Variants in GALK2 observed in about 807,000 individuals in gnomAD.
The protein encoded by GALK2 is N-acetylgalactosamine kinase.
GALK2 carries 36 observed loss-of-function variants against 52.4 expected under a neutral mutation model. The observed-to-expected ratio is 0.69, with a 90% CI of 0.53 to 0.91. The LOEUF is 0.91. Among genes scored for constraint, GALK2 ranks in the 40% least tolerant of loss-of-function variants. The pLI, the probability that GALK2 is intolerant of heterozygous loss-of-function variation, is 0.00. For synonymous variants in GALK2, 176 were observed against 199.1 expected, an observed-to-expected ratio of 0.88 and a Z score of 0.98; for missense variants, 579 against 559.1, an observed-to-expected ratio of 1.04 and a Z score of -0.36.
chr15:49,318,075 GA>G (rs1733679947), intron 8 of GALK2: 1 of 151,582 alleles, frequency 6.6e-6, no homozygotes, highest in Non-Finnish European at 1.5e-5. Flanking sequence ...AAAAATTATA[GA>G]CTTTTTGATT....
intron 1 of GALK2, chr15:49,177,851 C>A: frequency 4.2e-6 from 1 of 238,354 alleles, no homozygotes; most frequent in South Asian, 5.7e-5. Flanking sequence ...GAATCTTCAC[C>A]GAAGTGAGAA....
intron 3 of GALK2, chr15:49,367,464 T>G: frequency 6.3e-7 from 1 of 1,588,888 alleles, no homozygotes; most frequent in African/African-American, 1.4e-5. Context: ...TGGAATATCT[T>G]AGTGAGTTTA....
chr15:49,283,004 C>G (rs1410348858), intron 6 of GALK2, among the ~76,000 whole-genome samples: 1 of 152,174 alleles, frequency 6.6e-6, no homozygotes, highest in East Asian at 1.9e-4. Flanking sequence ...CTGACCCCTG[C>G]TTTACCCTTC....
At position 49,329,891 on chromosome 15, in the gene GALK2, G is replaced by A. The variant is rs2038290554; in HGVS notation, c.*1732G>A. 5 of 453,998 alleles carry A rather than the reference G, an allele frequency of 1.1e-5. No homozygotes were observed. Among genetic ancestry groups the A allele is most frequent in the African/African-American group, 2.1e-5 (1 of 46,774 alleles). The allele number at this position is 453,998 out of a possible 1,614,324, so 28.1% of individuals were successfully genotyped here. A position where few individuals can be genotyped will look rare whatever the true frequency, so the allele number is the denominator to read the frequency against. On this transcript the variant is annotated 3_prime_UTR_variant, in exon 10 of 10. Coordinates refer to ENST00000560031, the MANE Select transcript of GALK2 (RefSeq NM_002044.4). ...AGGTGATTTCTTCTTCACAAAAGGT[G>A]AGTAAAAATTTCCAATGTGCACTCT...
At position 49,263,083 on chromosome 15, in the gene GALK2, G is replaced by A. The variant is rs1248098942; in HGVS notation, c.505-18904G>A. Among the ~76,000 whole-genome samples the A allele has an allele frequency of 2.5e-5, 3 of 121,834 alleles. No homozygotes were observed. The East Asian group carries it at 6.9e-4, about 28-fold the overall frequency. 79.9% of individuals were successfully genotyped at this position (121,834 alleles called of 152,430 possible). A position where few individuals can be genotyped will look rare whatever the true frequency, so the allele number is the denominator to read the frequency against. Reference sequence around the variant, plus strand: ...GGAGAGTTCTGTAGATGTCTATTAGGTCCGCTTGGTGCAGAGCTGAGTTCA... The same window carrying A: ...GGAGAGTTCTGTAGATGTCTATTAGATCCGCTTGGTGCAGAGCTGAGTTCA... On this transcript the variant is annotated intron_variant, in intron 5 of 9. Coordinates refer to ENST00000560031, the MANE Select transcript of GALK2 (RefSeq NM_002044.4).
intron 1 of GALK2, among the ~76,000 whole-genome samples, chr15:49,180,379 A>G (rs2085866410): frequency 6.6e-6 from 1 of 152,196 alleles, no homozygotes; most frequent in African/African-American, 2.4e-5. Context: ...ATTTAATTGT[A>G]CCAATTCCTT....
intron 8 of GALK2, among the ~76,000 whole-genome samples, chr15:49,295,309 T>TTCTC (rs58542204): frequency 2.6e-3 from 373 of 145,640 alleles, no homozygotes; most frequent in African/African-American, 7.7e-3. Flanking sequence ...ACAAGCTCAT[T>TTCTC]TCTCTCTCTC....
Position 49,327,988 on chromosome 15 carries a change from A to G in GALK2, c.1206A>G (p.Ala402=). 2.5e-6 allele frequency: 4 copies of G among 1,613,820 alleles called. No individual in the cohort carries two copies. The highest frequency in any genetic ancestry group is 2.2e-5 in the South Asian group (2 of 91,064). The change falls in exon 10 of 10, where the codon GCA becomes GCG. Residue 402 remains alanine (A), a synonymous_variant. Transcript: ENST00000560031. ...CTCAAGGGTCACGACTTACTGGAGC[A>G]GGATGGGGAGGCTGCACAGTATCAA... ...FGAQGSRLTG[A]GWGGCTVSMV...
chr15:49,365,488 CT>C, intron 3 of GALK2: 2 of 859,536 alleles, frequency 2.3e-6, no homozygotes, highest in Non-Finnish European at 4.1e-6. Flanking sequence ...GATGCACACA[CT>C]CATTACTGAG....
chr15:49,178,976 T>C (rs1382743787), intron 1 of GALK2, among the ~76,000 whole-genome samples: 1 of 152,162 alleles, frequency 6.6e-6, no homozygotes, highest in Admixed American at 6.5e-5. Flanking sequence ...ACTCTTTTCA[T>C]TCTTCTATTC....
intron 3 of GALK2, chr15:49,365,505 G>C (rs1358101638): frequency 2.3e-6 from 2 of 855,058 alleles, no homozygotes; most frequent in East Asian, 4.8e-5. Context: ...CTGAGAAACA[G>C]ATCAGCTTTG....
At chr15:49,270,670 T>C (rs1446383823) in intron 5 of GALK2, among the ~76,000 whole-genome samples, 1 of 152,222 alleles carries the variant, frequency 6.6e-6, no homozygotes, top group Non-Finnish European at 1.5e-5. Context: ...AACTATTGTA[T>C]ACATAAAACC....
intron 3 of GALK2, among the ~76,000 whole-genome samples, chr15:49,355,387 C>G (rs966690996): frequency 1.3e-5 from 2 of 152,158 alleles, no homozygotes; most frequent in Non-Finnish European, 2.9e-5. Context: ...ATACAGAGAA[C>G]TGCCTAAAGG....
chr15:49,206,752 T>A (rs1260313265), intron 2 of GALK2, among the ~76,000 whole-genome samples: 1 of 151,920 alleles, frequency 6.6e-6, no homozygotes, highest in African/African-American at 2.4e-5. Context: ...GTCCATAGGG[T>A]TTTCAAGGTA....
chr15:49,313,985 T>C (rs910972635), intron 8 of GALK2, among the ~76,000 whole-genome samples: 5 of 152,234 alleles, frequency 3.3e-5, no homozygotes, highest in African/African-American at 1.2e-4. Flanking sequence ...GAAATAGACA[T>C]GTCCTCTATC....
chr15:49,352,042 C>G (rs560970699), intron 3 of GALK2, among the ~76,000 whole-genome samples: 4 of 152,284 alleles, frequency 2.6e-5, no homozygotes, highest in African/African-American at 9.6e-5. Flanking sequence ...TTGACTGGGA[C>G]TGGAGCCATC....
chr15:49,282,832 T>C (rs957670551), intron 6 of GALK2, among the ~76,000 whole-genome samples: 1 of 152,190 alleles, frequency 6.6e-6, no homozygotes, highest in African/African-American at 2.4e-5. Flanking sequence ...GCCAAAGACA[T>C]GAGGCATGAG....
At chr15:49,178,236 A>T (rs2085653194) in intron 1 of GALK2, 1 of 88,766 alleles carries the variant, frequency 1.1e-5, no homozygotes, top group Admixed American at 1.3e-4. Flanking sequence ...TAGAAATAAA[A>T]TGTATAAATA....
intron 7 of GALK2, among the ~76,000 whole-genome samples, chr15:49,288,490 G>C (rs990546085): frequency 1.3e-5 from 2 of 152,152 alleles, no homozygotes; most frequent in African/African-American, 2.4e-5. Context: ...TCTTTGTCTG[G>C]TGATAGAATG....
Sources: gnomAD v4.1 joint callset for allele counts (sites outside exome capture counted in the v4.1 genomes callset) on GRCh38, gnomAD v4.1.1 for gene constraint, MANE v1.5 for transcripts, NCBI Gene and HGNC (gene_info 2026-07-23, HGNC 2026-07-21) for gene names.